The following RALGPS1 variants were observed in gnomAD, a reference collection of about 807,000 sequenced individuals.
RALGPS1 encodes the protein ras-specific guanine nucleotide-releasing factor RalGPS1.
A neutral mutation model predicts 78.8 loss-of-function variants in RALGPS1; 19 were observed. The observed-to-expected ratio is 0.24, with a 90% CI of 0.17 to 0.35. The LOEUF (loss-of-function observed/expected upper bound fraction) is 0.35. Among genes scored for constraint, RALGPS1 ranks in the 10% least tolerant of loss-of-function variants. The pLI is 1.00. For missense variants in RALGPS1, 454 were observed against 688.3 expected (o/e 0.66, Z 3.81); for synonymous variants, 228 against 256.3 (o/e 0.89, Z 1.06).
chr9:127,092,269 G>T (rs73591293), intron 8 of RALGPS1, among the ~76,000 whole-genome samples: 1 of 152,150 alleles, frequency 6.6e-6, no homozygotes, highest in South Asian at 2.1e-4. Context: ...AAGTAGGCAC[G>T]CAGCAGGCAT....
Position 126,979,225 on chromosome 9 carries a change from G to A in RALGPS1, c.216+1480G>A, listed in dbSNP as rs561635259. Among the ~76,000 whole-genome samples, 967 of 139,228 alleles carry A rather than the reference G, an allele frequency of 6.9e-3. 11 individuals are homozygous for A. Among genetic ancestry groups the A allele is most frequent in the African/African-American group, 0.024 (919 of 38,328 alleles). The allele number at this position is 139,228 out of a possible 152,430, so 91.3% of individuals were successfully genotyped here. On this transcript the variant is annotated intron_variant, in intron 4 of 18. Transcript: ENST00000259351. Reference sequence around the variant, plus strand: ...TTATGTGAAGACGTGGCAGTTATTTGTATTATTGTATTATTATGTGTGTGT... The same window carrying A: ...TTATGTGAAGACGTGGCAGTTATTTATATTATTGTATTATTATGTGTGTGT...
At chr9:127,108,235 G>T (rs773067095) in intron 8 of RALGPS1, 3 of 1,614,086 alleles carry the variant, frequency 1.9e-6, no homozygotes, top group Non-Finnish European at 2.5e-6. Context: ...CATGTCGGCT[G>T]TCTGGTTCAG....
chr9:127,162,176 AGTTCT>A (rs2059059601), intron 8 of RALGPS1, among the ~76,000 whole-genome samples: 2 of 152,206 alleles, frequency 1.3e-5, no homozygotes, highest in Non-Finnish European at 2.9e-5. Flanking sequence ...CTGTGTGCTC[AGTTCT>A]AGATGCTGGA....
chr9:127,050,029 A>G lies in RALGPS1; in HGVS notation c.301-14A>G. ...GGTGTGTATGTGTGTATGTGTGTGT[A>G]TTTGACTCTACAGGTCAGTTTTTGG... On this transcript the variant is annotated splice_polypyrimidine_tract_variant and intron_variant, in intron 5 of 18. Coordinates refer to ENST00000259351, the MANE Select transcript of RALGPS1 (RefSeq NM_014636.3). 1 of 1,595,718 alleles carries G rather than the reference A, an allele frequency of 6.3e-7. No individual in the cohort carries two copies.
chr9:127,089,191 C>T (rs1009555657), intron 8 of RALGPS1: 20 of 1,588,548 alleles, frequency 1.3e-5, no homozygotes, highest in Admixed American at 1.7e-5. Flanking sequence ...ATTCTACTTG[C>T]GTCCATAGTG....
At chr9:127,200,024 T>C (rs188848399) in intron 14 of RALGPS1, among the ~76,000 whole-genome samples, 1 of 152,162 alleles carries the variant, frequency 6.6e-6, no homozygotes, top group African/African-American at 2.4e-5. Flanking sequence ...AGGCACACGC[T>C]CACACATGTG....
rs773678354 is a variant in RALGPS1 at position 127,050,141 on chromosome 9, TTTA to T, written c.390+18_390+20del. 1.3e-6 allele frequency: 2 copies of T among 1,587,730 alleles called. No homozygotes were observed. The highest frequency in any genetic ancestry group is 2.2e-5 in the East Asian group (1 of 44,724). ...TTGTGAAAATAGCCAAGGTAAGCTT[TTTA>T]TTATTATTTTTCCTTCCTTTCCCTC... On this transcript the variant is annotated intron_variant, in intron 6 of 18. Coordinates refer to ENST00000259351, the MANE Select transcript of RALGPS1 (RefSeq NM_014636.3).
intron 13 of RALGPS1, among the ~76,000 whole-genome samples, chr9:127,198,201 T>G (rs1368142681): frequency 6.6e-6 from 1 of 152,186 alleles, no homozygotes; most frequent in Non-Finnish European, 1.5e-5. Flanking sequence ...ATGTGCCCTG[T>G]TGGGAGCTGG....
chr9:127,185,695 A>T (rs1456131479), intron 11 of RALGPS1, among the ~76,000 whole-genome samples: 6 of 152,002 alleles, frequency 3.9e-5, no homozygotes, highest in Non-Finnish European at 8.8e-5. Flanking sequence ...TACCGTATTT[A>T]TTATTATTAT....
chr9:126,915,985 A>G (rs1014346295), intron 1 of RALGPS1, among the ~76,000 whole-genome samples: 3 of 152,158 alleles, frequency 2.0e-5, no homozygotes, highest in Non-Finnish European at 2.9e-5. Flanking sequence ...GCTTTTGACT[A>G]TGCTACCTGG....
chr9:127,054,979 AAG>A (rs1157813676), intron 7 of RALGPS1, among the ~76,000 whole-genome samples: 1 of 139,708 alleles, frequency 7.2e-6, no homozygotes, highest in Non-Finnish European at 1.6e-5. Flanking sequence ...ATCTCTGAAA[AAG>A]AGAGAGAGAT....
intron 8 of RALGPS1, among the ~76,000 whole-genome samples, chr9:127,135,421 T>A (rs2057323390): frequency 6.6e-6 from 1 of 152,156 alleles, no homozygotes; most frequent in Non-Finnish European, 1.5e-5. Context: ...GCTAGCCAGG[T>A]GGCTGCTGTA....
chr9:127,182,351 TCCC>T (rs2060292936), intron 11 of RALGPS1, among the ~76,000 whole-genome samples: 1 of 134,070 alleles, frequency 7.5e-6, no homozygotes, highest in African/African-American at 2.8e-5. Flanking sequence ...CCTTCCTTCC[TCCC>T]TTCCTTCCTT....
intron 4 of RALGPS1, among the ~76,000 whole-genome samples, chr9:126,983,139 G>A (rs1015162064): frequency 9.9e-5 from 15 of 151,792 alleles, no homozygotes; most frequent in East Asian, 5.8e-4. Context: ...GTTTCACCAC[G>A]TTGGCCAGGC....
intron 1 of RALGPS1, among the ~76,000 whole-genome samples, chr9:126,918,240 A>G (rs527882278): frequency 1.3e-5 from 2 of 152,338 alleles, no homozygotes; most frequent in Middle Eastern, 3.4e-3. Context: ...AATTCATTCA[A>G]TTTTTGTTCG....
At chr9:127,077,922 G>A (rs1329914060) in intron 8 of RALGPS1, among the ~76,000 whole-genome samples, 1 of 152,188 alleles carries the variant, frequency 6.6e-6, no homozygotes, top group Non-Finnish European at 1.5e-5. Context: ...CAAAGCTTAA[G>A]GCTGGATTCT....
In RALGPS1 at chr9:127,212,688, C is replaced by T. The variant is rs138132214; in HGVS notation, c.1415C>T (p.Ala472Val). 37 of 1,613,386 alleles carry T rather than the reference C, an allele frequency of 2.3e-5. No homozygotes were observed. The highest frequency in any genetic ancestry group is 1.6e-4 in the Middle Eastern group (1 of 6,080). Residue 472 changes from alanine to valine, a missense_variant, in exon 16 of 19, where the codon GCC becomes GTC. By Grantham distance (64) the Ala-to-Val change is moderately conservative. Transcript: ENST00000259351. The surrounding 1 kb of genome is among the most constrained non-coding windows in gnomAD (Gnocchi z 6.0). ...LSGSTLLYYG[A>V]KSLRGTDRKH... Reference sequence around the variant, plus strand: ...GGATCCACCCTCCTGTACTACGGAGCCAAGTCCTTGCGGGGCACAGACAGA... The same window carrying T: ...GGATCCACCCTCCTGTACTACGGAGTCAAGTCCTTGCGGGGCACAGACAGA...
At chr9:127,001,252 A>G (rs1236377928) in intron 4 of RALGPS1, among the ~76,000 whole-genome samples, 1 of 150,844 alleles carries the variant, frequency 6.6e-6, no homozygotes, top group Non-Finnish European at 1.5e-5. Flanking sequence ...GTGCCACTGC[A>G]CTCAAGCCTG....
intron 7 of RALGPS1, among the ~76,000 whole-genome samples, chr9:127,065,200 G>A (rs1000894327): frequency 6.6e-6 from 1 of 151,970 alleles, no homozygotes; most frequent in Non-Finnish European, 1.5e-5. Flanking sequence ...TGCAACCTTC[G>A]CATCCCGGGT....
Sources: allele counts gnomAD v4.1 joint callset (sites outside exome capture counted in the v4.1 genomes callset), GRCh38; gene constraint gnomAD v4.1.1; non-coding constraint Gnocchi (gnomAD v3.1); transcripts MANE v1.5; gene names NCBI Gene and HGNC (gene_info 2026-07-23, HGNC 2026-07-21).